Variants in FYN observed in about 807,000 individuals in gnomAD.
FYN encodes the protein FYN proto-oncogene, Src family tyrosine kinase.
A neutral mutation model predicts 70.2 loss-of-function variants in FYN; 10 were observed. That is an observed-to-expected ratio of 0.14 (90% confidence interval 0.09 to 0.24). The LOEUF (loss-of-function observed/expected upper bound fraction) is 0.24, where lower values mean the gene tolerates loss of function less well. Ranked by LOEUF, FYN falls within the 10% of genes least tolerant of loss-of-function variation. The pLI is 1.00. For synonymous variants in FYN, 236 were observed against 248.6 expected, an observed-to-expected ratio of 0.95 and a Z score of 0.48; for missense variants, 319 against 673.1, an observed-to-expected ratio of 0.47 and a Z score of 5.82.
At chr6:111,857,415 GA>G (rs1773850341) in intron 1 of FYN, among the ~76,000 whole-genome samples, 3 of 152,130 alleles carry the variant, frequency 2.0e-5, no homozygotes, top group Non-Finnish European at 4.4e-5. Flanking sequence ...ACATCAGGTG[GA>G]AAACTCTGCC....
chr6:111,837,866 T>C (rs1303610576), intron 2 of FYN, among the ~76,000 whole-genome samples: 1 of 152,236 alleles, frequency 6.6e-6, no homozygotes, highest in African/African-American at 2.4e-5. Flanking sequence ...CAGCCTTATC[T>C]GGAGGGACTA....
intron 9 of FYN, among the ~76,000 whole-genome samples, chr6:111,698,464 C>A (rs1259603930): frequency 1.3e-5 from 2 of 152,080 alleles, no homozygotes; most frequent in Non-Finnish European, 2.9e-5. Flanking sequence ...GCAGACCACA[C>A]CTAAAGATCT....
intron 10 of FYN, among the ~76,000 whole-genome samples, chr6:111,695,937 A>G (rs1799553458): frequency 6.6e-6 from 1 of 152,238 alleles, no homozygotes; most frequent in African/African-American, 2.4e-5. Context: ...GAAATGTAAC[A>G]AAAGCTACTA....
intron 3 of FYN, among the ~76,000 whole-genome samples, chr6:111,766,725 C>T (rs773614034): frequency 6.6e-6 from 1 of 152,164 alleles, no homozygotes; most frequent in Non-Finnish European, 1.5e-5. Flanking sequence ...ATAAAACCAT[C>T]AAATCTCGTG....
intron 4 of FYN, among the ~76,000 whole-genome samples, chr6:111,719,465 G>A (rs980903467): frequency 2.6e-5 from 4 of 152,164 alleles, no homozygotes; most frequent in Admixed American, 6.5e-5. Context: ...AGGCATCCGT[G>A]TTTTGAAAAG....
At chr6:111,788,041 A>C (rs1007909913) in intron 2 of FYN, among the ~76,000 whole-genome samples, 1 of 151,612 alleles carries the variant, frequency 6.6e-6, no homozygotes, top group Admixed American at 6.6e-5. Flanking sequence ...CACCTGTCCT[A>C]TTTCCTCTCT....
intron 2 of FYN, among the ~76,000 whole-genome samples, chr6:111,841,528 G>A (rs1773356613): frequency 6.6e-6 from 1 of 152,130 alleles, no homozygotes; most frequent in African/African-American, 2.4e-5. Flanking sequence ...TTCCCCTTTG[G>A]CTGAGCTTTA....
At chr6:111,712,887 C>A (rs576744468) in intron 5 of FYN, among the ~76,000 whole-genome samples, 1 of 152,318 alleles carries the variant, frequency 6.6e-6, no homozygotes, top group East Asian at 1.9e-4. Flanking sequence ...ATATAGGCAA[C>A]ATAAAATTTA....
Position 111,694,233 on chromosome 6 carries a change from G to T in FYN, c.1273+142C>A. 1 of 1,045,744 alleles carries T rather than the reference G, an allele frequency of 9.6e-7. No homozygotes were observed. The highest frequency in any genetic ancestry group is 1.4e-6 in the Non-Finnish European group (1 of 715,190). The allele number at this position is 1,045,744 out of a possible 1,614,324, so 64.8% of individuals were successfully genotyped here. On this transcript the variant is annotated intron_variant, in intron 12 of 13. Coordinates refer to ENST00000354650, the MANE Select transcript of FYN (RefSeq NM_002037.5). This position sits in a 1 kb window ranked among gnomAD's most constrained non-coding sequence, Gnocchi z 5.0. Reference sequence around the variant, plus strand: ...CTGCAGAGCTGTCAAATTCCTGCCAGATCAAGGTGTCCAAACCAAGCTGAA... The same window carrying T: ...CTGCAGAGCTGTCAAATTCCTGCCATATCAAGGTGTCCAAACCAAGCTGAA...
chr6:111,774,279 T>C (rs1803619733), intron 3 of FYN, among the ~76,000 whole-genome samples: 1 of 152,146 alleles, frequency 6.6e-6, no homozygotes, highest in African/African-American at 2.4e-5. Flanking sequence ...GACTGAGAGC[T>C]CCCAATGAAG....
rs76203852 is a variant in FYN, at chr6:111,848,801, T to G, written c.-122-2172A>C. The stretch of plus-strand genomic sequence containing the variant: ...GTCTTTCTGAAAAGTTGAGAAAAAG[T>G]AAATGTTTATTCACAAATGTTTAAG... On this transcript the variant is annotated intron_variant, in intron 1 of 13. Coordinates refer to ENST00000354650, the MANE Select transcript of FYN (RefSeq NM_002037.5). Among the ~76,000 whole-genome samples the G allele has an allele frequency of 3.0e-3, 452 of 152,388 alleles. 1 individual carries two copies. The highest frequency in any genetic ancestry group is 0.01 in the African/African-American group (419 of 41,596).
At chr6:111,768,547 C>A (rs921628222) in intron 3 of FYN, among the ~76,000 whole-genome samples, 21 of 152,260 alleles carry the variant, frequency 1.4e-4, no homozygotes, top group African/African-American at 3.9e-4. Flanking sequence ...TACACACTTG[C>A]CAGGGCCCTG....
At chr6:111,674,967 C>A (rs191216462) in intron 12 of FYN, among the ~76,000 whole-genome samples, 1 of 152,226 alleles carries the variant, frequency 6.6e-6, no homozygotes, top group African/African-American at 2.4e-5. Flanking sequence ...TAATGCTGCT[C>A]TCATGAGTCC....
In FYN at chr6:111,737,982, A is replaced by T. The variant is rs12199962; in HGVS notation, c.-11-17920T>A. On this transcript the variant is annotated intron_variant, in intron 3 of 13. Coordinates refer to ENST00000354650, the MANE Select transcript of FYN (RefSeq NM_002037.5). ...ACCAGAGCATTTTTACTTTCCTGCT[A>T]GGCCAGGTGACAAAACTCTCACTCA... Among the ~76,000 whole-genome samples, 994 of 152,332 alleles carry T rather than the reference A, an allele frequency of 6.5e-3. 8 individuals are homozygous for T. The highest frequency in any genetic ancestry group is 0.011 in the Non-Finnish European group (717 of 68,022).
intron 3 of FYN, among the ~76,000 whole-genome samples, chr6:111,730,793 C>A (rs1244067958): frequency 1.3e-5 from 2 of 152,206 alleles, no homozygotes; most frequent in Non-Finnish European, 2.9e-5. Flanking sequence ...GATATCCAAT[C>A]AAGTATCTTC....
chr6:111,760,022 T>C (rs1802933408), intron 3 of FYN: 1 of 151,100 alleles, frequency 6.6e-6, no homozygotes. Flanking sequence ...CCAGACCAAA[T>C]GAGACAGTGA....
intron 3 of FYN, among the ~76,000 whole-genome samples, chr6:111,734,880 T>TGTATA (rs1333609128): frequency 6.6e-6 from 1 of 152,254 alleles, no homozygotes; most frequent in Non-Finnish European, 1.5e-5. Flanking sequence ...GGCACTGTGC[T>TGTATA]AAGGGCTGCC....
chr6:111,840,169 T>A (rs1330274574), intron 2 of FYN, among the ~76,000 whole-genome samples: 1 of 152,148 alleles, frequency 6.6e-6, no homozygotes, highest in Non-Finnish European at 1.5e-5. Flanking sequence ...TTACAGAAAT[T>A]CCCAAATTGA....
chr6:111,687,172 C>T (rs905608415), intron 12 of FYN, among the ~76,000 whole-genome samples: 12 of 152,160 alleles, frequency 7.9e-5, no homozygotes, highest in African/African-American at 2.2e-4. Context: ...TTAATTTATG[C>T]GGTAACAATT....
Sources: gnomAD v4.1 joint callset for allele counts (sites outside exome capture counted in the v4.1 genomes callset) on GRCh38, gnomAD v4.1.1 for gene constraint, Gnocchi (gnomAD v3.1) non-coding constraint, MANE v1.5 for transcripts, NCBI Gene and HGNC (gene_info 2026-07-23, HGNC 2026-07-21) for gene names.